CFAP74: variants seen among roughly 807,000 people sequenced by gnomAD.
CFAP74 encodes cilia- and flagella-associated protein 74.
A neutral mutation model predicts 188.9 loss-of-function variants in CFAP74; 124 were observed. The observed-to-expected ratio is 0.66, with a 90% CI of 0.57 to 0.76. The LOEUF (loss-of-function observed/expected upper bound fraction) is 0.76. CFAP74 is among the 30% of genes least tolerant of loss of function. The pLI is 0.00. For synonymous variants in CFAP74, 956 were observed against 916.7 expected, an observed-to-expected ratio of 1.04 and a Z score of -0.77; for missense variants, 2,198 against 2,165.2, an observed-to-expected ratio of 1.02 and a Z score of -0.30.
chr1:1,969,980 C>T (rs568404378), intron 10 of CFAP74, among the ~76,000 whole-genome samples: 6 of 152,174 alleles, frequency 3.9e-5, no homozygotes, highest in African/African-American at 7.2e-5. Flanking sequence ...CACTGGGGAG[C>T]GTTACGGGCA....
In CFAP74 at chr1:1,975,505, G is replaced by A. The variant is rs939975302; in HGVS notation, c.501-1307C>T. Among the ~76,000 whole-genome samples, 1 of 152,028 alleles carries A rather than the reference G, an allele frequency of 6.6e-6. No homozygotes were observed. Among genetic ancestry groups the A allele is most frequent in the Non-Finnish European group, 1.5e-5 (1 of 67,996 alleles). ...GATCGGGTTCTACTTTCCCTCTCTC[G>A]TACGCCCACTTGGTTTTGGCATCGA... On this transcript the variant is annotated intron_variant, in intron 6 of 38. Transcript: ENST00000682832. This position sits in a 1 kb window ranked among gnomAD's most constrained non-coding sequence, Gnocchi z 4.5.
At position 1,923,118 on chromosome 1, in the gene CFAP74, GGA is replaced by G. The variant is rs760387736; in HGVS notation, c.4548_4549del (p.Pro1517ArgfsTer3). On this transcript the variant is annotated frameshift_variant, in exon 37 of 39. Transcript: ENST00000682832. LOFTEE classifies it high-confidence loss of function. This position sits in a 1 kb window ranked among gnomAD's most constrained non-coding sequence, Gnocchi z 6.3. ...GATGGGCCTCAGCTCCTCAGCTTCT[GGA>G]GAGAGAGGGCCTGGCCGGGAGCTGG... The G allele has an allele frequency of 6.1e-5, 98 of 1,609,614 alleles. No individual in the cohort carries two copies. The highest frequency in any genetic ancestry group is 8.0e-5 in the Non-Finnish European group (94 of 1,179,052).
At chr1:1,972,770 C>T (rs60548845) in intron 8 of CFAP74, among the ~76,000 whole-genome samples, 167 bp downstream of exon 8, 1,682 of 152,290 alleles carry the variant, frequency 0.011, 33 homozygotes, top group African/African-American at 0.038. Context: ...CGCTTGAACC[C>T]GGGAGGCGGA....
rs1553226707 is a variant in CFAP74, at chr1:1,959,265, G to GC, written c.1762-57_1762-56insG. ...CACTTCTGCAACTTTTGTGTGTTTTGTTTTTTTTTTGGACAGGGTCTGGCT... is the reference window on the plus strand; with the variant it reads ...CACTTCTGCAACTTTTGTGTGTTTTGCTTTTTTTTTTGGACAGGGTCTGGCT... On this transcript the variant is annotated intron_variant, in intron 15 of 38. Coordinates refer to ENST00000682832, the MANE Select transcript of CFAP74 (RefSeq NM_001304360.2). 29 of 1,090,962 alleles carry GC rather than the reference G, an allele frequency of 2.7e-5. No individual in the cohort carries two copies. The East Asian group carries it at 7.0e-4, about 26-fold the overall frequency. 67.6% of individuals were successfully genotyped at this position (1,090,962 alleles called of 1,614,324 possible). A position where few individuals can be genotyped will look rare whatever the true frequency, so the allele number is the denominator to read the frequency against.
At chr1:1,949,247 C>T (rs1404796700) in intron 18 of CFAP74, among the ~76,000 whole-genome samples, 1 of 151,304 alleles carries the variant, frequency 6.6e-6, no homozygotes, top group African/African-American at 2.4e-5. Flanking sequence ...CAACCTCTGC[C>T]TCCCGGGTTC....
In CFAP74 at chr1:1,975,078, G is replaced by A. The variant is rs1656353620; in HGVS notation, c.501-880C>T. Among the ~76,000 whole-genome samples, 5 of 152,218 alleles carry A rather than the reference G, an allele frequency of 3.3e-5. No homozygotes were observed. The highest frequency in any genetic ancestry group is 3.3e-4 in the Admixed American group (5 of 15,288). On this transcript the variant is annotated intron_variant, in intron 6 of 38. Coordinates refer to ENST00000682832, the MANE Select transcript of CFAP74 (RefSeq NM_001304360.2). This position sits in a 1 kb window ranked among gnomAD's most constrained non-coding sequence, Gnocchi z 4.5. ...CAGGCGTTGAGCCGGCATCCTCACT[G>A]CATTGCTGACATTCCACGTGACGTG...
At chr1:1,960,472 C>T (rs1196482125) in intron 14 of CFAP74, among the ~76,000 whole-genome samples, 1 of 152,196 alleles carries the variant, frequency 6.6e-6, no homozygotes, top group Non-Finnish European at 1.5e-5. Context: ...CAGCTGGGAC[C>T]CTCGGGACCC....
At chr1:1,990,809 G>T in intron 2 of CFAP74, 81 bp downstream of exon 2, 1 of 1,044,598 alleles carries the variant, frequency 9.6e-7, no homozygotes, top group East Asian at 2.4e-5. Flanking sequence ...GAAATAAAGG[G>T]AATTAAAGGG....
intron 6 of CFAP74, among the ~76,000 whole-genome samples, chr1:1,977,038 C>T (rs866989823): frequency 7.2e-5 from 11 of 151,846 alleles, no homozygotes; most frequent in East Asian, 5.8e-4. Context: ...TTAGTAGAGA[C>T]GGGGTTTCAC....
At chr1:1,947,142 A>C in intron 18 of CFAP74, 88 bp from the exon 19 acceptor site, 3 of 941,352 alleles carry the variant, frequency 3.2e-6, no homozygotes, top group Middle Eastern at 2.1e-4. Context: ...CACCACCTCC[A>C]AACCCATATC....
At chr1:1,925,498 G>T (rs1038372494) in intron 33 of CFAP74, among the ~76,000 whole-genome samples, 1 of 152,112 alleles carries the variant, frequency 6.6e-6, no homozygotes, top group African/African-American at 2.4e-5. Flanking sequence ...GTGGGTGGGG[G>T]AGCTCTGTGC....
In CFAP74 at chr1:1,970,759, T is replaced by A; in HGVS notation, c.946A>T (p.Arg316Trp). The A allele has an allele frequency of 1.2e-6, 2 of 1,614,160 alleles. No individual in the cohort carries two copies. Among genetic ancestry groups the A allele is most frequent in the Non-Finnish European group, 1.7e-6 (2 of 1,180,006 alleles). ...DRAKAELAEQRVQAEKKAILA... is the reference protein window; with the variant it reads ...DRAKAELAEQWVQAEKKAILA... ...ATCGCCTTCTTCTCAGCCTGGACCC[T>A]CTGCTCCGCCAGCTCTGCCTTGGCA... Residue 316 changes from arginine (R) to tryptophan (W), a missense_variant, in exon 10 of 39, where the codon AGG becomes TGG. Physicochemically the swap from Arg to Trp is moderately radical, Grantham distance 101. Transcript: ENST00000682832.
At chr1:1,925,198 A>G (rs1651776664) in intron 33 of CFAP74, among the ~76,000 whole-genome samples, 1 of 138,604 alleles carries the variant, frequency 7.2e-6, no homozygotes, top group Non-Finnish European at 1.5e-5. Context: ...ATGAGGGCAC[A>G]TGGGGCAGCG....
chr1:1,927,242 G>A (rs1651977585), intron 28 of CFAP74: 2 of 624,116 alleles, frequency 3.2e-6, no homozygotes, highest in Admixed American at 3.0e-5. Context: ...GGTGGCTGGA[G>A]GCTAGGGGTT....
chr1:1,966,226 C>T (rs1466082152), intron 12 of CFAP74, 145 bp downstream of exon 12: 13 of 728,806 alleles, frequency 1.8e-5, no homozygotes, highest in Non-Finnish European at 1.9e-5. Flanking sequence ...CGTCCACACA[C>T]AGGAGAGGGT....
chr1:1,959,053 C>T (rs376912255), intron 16 of CFAP74, 67 bp downstream of exon 16: 45 of 1,105,180 alleles, frequency 4.1e-5, no homozygotes, highest in Middle Eastern at 2.0e-4. Context: ...CAGGAGATGC[C>T]GTCCCCCACT....
chr1:1,971,218 T>C (rs1490399566), intron 9 of CFAP74, among the ~76,000 whole-genome samples: 3 of 120,578 alleles, frequency 2.5e-5, no homozygotes, highest in East Asian at 2.7e-4. Context: ...CCTGCACACA[T>C]ACGCGTGCAC....
chr1:1,927,656 C>T lies in CFAP74; in HGVS notation c.3478G>A (p.Val1160Ile), dbSNP rs1652017077. Residue 1160 changes from valine to isoleucine, a missense_variant, in exon 28 of 39, where the codon GTC (valine) becomes ATC (isoleucine). Physicochemically the swap from Val to Ile is conservative, Grantham distance 29. Coordinates refer to ENST00000682832, the MANE Select transcript of CFAP74 (RefSeq NM_001304360.2). ...ATCTCCAGGACGTGGGGGACAGAGA[C>T]TTTGAACAGCTTGTCGCGGTTCTGT... Reference protein sequence around the residue: ...RAQNRDKLFKVSVPHVLEMRK... With the variant: ...RAQNRDKLFKISVPHVLEMRK... 1 of 1,550,188 alleles carries T rather than the reference C, an allele frequency of 6.5e-7. No homozygotes were observed. The highest frequency in any genetic ancestry group is 8.7e-7 in the Non-Finnish European group (1 of 1,146,864).
chr1:1,941,897 C>T, intron 22 of CFAP74, 131 bp downstream of exon 22: 1 of 1,035,040 alleles, frequency 9.7e-7, no homozygotes, highest in African/African-American at 1.6e-5. Flanking sequence ...GGCCTCTGCC[C>T]CAGAACACAT....
Sources: gnomAD v4.1 joint callset for allele counts (sites outside exome capture counted in the v4.1 genomes callset) on GRCh38, gnomAD v4.1.1 for gene constraint, Gnocchi (gnomAD v3.1) non-coding constraint, MANE v1.5 for transcripts, NCBI Gene and HGNC (gene_info 2026-07-23, HGNC 2026-07-21) for gene names.